Variants in ABTB2 observed in about 807,000 individuals in gnomAD.
ABTB2 encodes ankyrin repeat and BTB domain containing 2.
Under a neutral mutation model 104.1 loss-of-function variants are expected in ABTB2, and 56 were observed. The ratio of observed to expected loss-of-function variants is 0.54; its 90% CI spans 0.43 to 0.67. ABTB2 has a LOEUF of 0.67. Among genes scored for constraint, ABTB2 ranks in the 30% least tolerant of loss-of-function variants. ABTB2 has a pLI of 0.00. For synonymous variants in ABTB2, 606 were observed against 608.2 expected (o/e 1.00, Z 0.05); for missense variants, 1,279 against 1,407.7 (o/e 0.91, Z 1.46).
chr11:34,202,208 AG>A (rs1477487259), intron 2 of ABTB2, among the ~76,000 whole-genome samples: 9 of 152,224 alleles, frequency 5.9e-5, no homozygotes, highest in African/African-American at 1.9e-4. Context: ...GTGGAATGAG[AG>A]TGTGGTACTC....
At chr11:34,259,890 G>A (rs796355653) in intron 1 of ABTB2, among the ~76,000 whole-genome samples, 5 of 152,068 alleles carry the variant, frequency 3.3e-5, no homozygotes, top group African/African-American at 9.6e-5. Flanking sequence ...TTGCAGCCTC[G>A]ACCTCCTGGG....
chr11:34,323,994 A>G (rs1341348844), intron 1 of ABTB2, among the ~76,000 whole-genome samples: 2 of 138,348 alleles, frequency 1.4e-5, no homozygotes, highest in East Asian at 4.2e-4. Context: ...GTTCACTGCA[A>G]TCTCTGCCTC....
chr11:34,322,214 T>C (rs1489407400), intron 1 of ABTB2, among the ~76,000 whole-genome samples: 4 of 152,238 alleles, frequency 2.6e-5, no homozygotes, highest in South Asian at 2.1e-4. Context: ...AATAACTAGA[T>C]GCAATACACA....
chr11:34,224,671 A>C (rs1229575390), intron 1 of ABTB2, among the ~76,000 whole-genome samples: 1 of 152,180 alleles, frequency 6.6e-6, no homozygotes, highest in African/African-American at 2.4e-5. Context: ...TGCACAGTGG[A>C]AATAGCACCT....
Position 34,154,307 on chromosome 11 carries a change from G to A in ABTB2, c.2838C>T (p.Thr946=), listed in dbSNP as rs116088554. ...QRHCEILCSQ[T]LSMESAVNTY... ...TGTTCACGGCACTCTCCATGCTGAG[G>A]GTCTGGGAGCACAGGATCTCGCAGT... Residue 946 remains threonine (T), a synonymous_variant, in exon 16 of 17, where the codon ACC becomes ACT. Coordinates refer to ENST00000435224, the MANE Select transcript of ABTB2 (RefSeq NM_145804.3). The surrounding 1 kb of genome is among the most constrained non-coding windows in gnomAD (Gnocchi z 4.9). 909 of 1,614,090 alleles carry A rather than the reference G, an allele frequency of 5.6e-4. 6 individuals carry two copies. The African/African-American group carries it at 0.011, about 20-fold the overall frequency.
At chr11:34,160,773 G>A (rs898706166) in intron 11 of ABTB2, 130 bp downstream of exon 11, 46 of 998,150 alleles carry the variant, frequency 4.6e-5, no homozygotes, top group Non-Finnish European at 6.4e-5. Context: ...GAGGGCAGGC[G>A]TGTGAGTGTG....
intron 1 of ABTB2, among the ~76,000 whole-genome samples, chr11:34,286,474 G>GT (rs35829012): frequency 1.3e-5 from 2 of 151,908 alleles, no homozygotes; most frequent in African/African-American, 2.4e-5. Context: ...TGTATTTTTA[G>GT]TAGAGATGGG....
Position 34,299,360 on chromosome 11 carries a change from A to T in ABTB2, c.883+57341T>A, listed in dbSNP as rs546645446. Reference sequence around the variant, plus strand: ...GAAATCCAAATTGATGGTTTTTTTTAAAAAAATAATCATTTAAGCAAGACG... The same window carrying T: ...GAAATCCAAATTGATGGTTTTTTTTTAAAAAATAATCATTTAAGCAAGACG... On this transcript the variant is annotated intron_variant, in intron 1 of 16. Coordinates refer to ENST00000435224, the MANE Select transcript of ABTB2 (RefSeq NM_145804.3). Among the ~76,000 whole-genome samples, 659 of 152,244 alleles carry T rather than the reference A, an allele frequency of 4.3e-3. 5 individuals carry two copies. The highest frequency in any genetic ancestry group is 0.014 in the African/African-American group (591 of 41,558).
chr11:34,350,027 T>C (rs962905757), intron 1 of ABTB2, among the ~76,000 whole-genome samples: 3 of 152,278 alleles, frequency 2.0e-5, no homozygotes, highest in African/African-American at 7.2e-5. Context: ...ACCGCATGTG[T>C]ACAAGCCTCT....
intron 1 of ABTB2, among the ~76,000 whole-genome samples, chr11:34,239,287 T>G (rs941507828): frequency 6.6e-6 from 1 of 152,172 alleles, no homozygotes; most frequent in South Asian, 2.1e-4. Flanking sequence ...GGATGGATAA[T>G]GCAGTCTACC....
chr11:34,260,732 A>G (rs1854179248), intron 1 of ABTB2, among the ~76,000 whole-genome samples: 1 of 152,212 alleles, frequency 6.6e-6, no homozygotes, highest in Non-Finnish European at 1.5e-5. Flanking sequence ...ATGGAAGCCC[A>G]TGGAGACTAA....
At chr11:34,227,862 G>A (rs897143101) in intron 1 of ABTB2, among the ~76,000 whole-genome samples, 2 of 150,044 alleles carry the variant, frequency 1.3e-5, no homozygotes, top group South Asian at 2.1e-4. Context: ...AGCCACCTGA[G>A]TATCTGGGAT....
intron 1 of ABTB2, among the ~76,000 whole-genome samples, chr11:34,353,257 T>C (rs1211334670): frequency 6.6e-6 from 1 of 152,040 alleles, no homozygotes; most frequent in East Asian, 1.9e-4. Context: ...TTGAGGAAGA[T>C]TTTCTAAAAT....
chr11:34,200,360 A>G (rs1245560399), intron 2 of ABTB2, among the ~76,000 whole-genome samples: 1 of 152,224 alleles, frequency 6.6e-6, no homozygotes, highest in East Asian at 1.9e-4. Context: ...GAAAATCAAG[A>G]AAGAAATGGA....
chr11:34,268,299 A>G (rs1260543781), intron 1 of ABTB2, among the ~76,000 whole-genome samples: 1 of 152,206 alleles, frequency 6.6e-6, no homozygotes, highest in East Asian at 1.9e-4. Context: ...AGATGCTCAC[A>G]GTAGAAAAAT....
rs61052853 is a variant in ABTB2 at position 34,190,272 on chromosome 11, C to CAA, written c.1244+7051_1244+7052dup. On this transcript the variant is annotated intron_variant, in intron 3 of 16. Coordinates refer to ENST00000435224, the MANE Select transcript of ABTB2 (RefSeq NM_145804.3). Reference sequence around the variant, plus strand: ...CCCCACCCCTGCCCCGCTGCCCCCCCAAAAAAAAAAAAAAAGAGACTGAGA... The same window carrying CAA: ...CCCCACCCCTGCCCCGCTGCCCCCCCAAAAAAAAAAAAAAAAAGAGACTGAGA... 5.4e-3 allele frequency among the ~76,000 whole-genome samples: 622 copies of CAA among 115,062 alleles called. 6 individuals carry two copies. Among genetic ancestry groups the CAA allele is most frequent in the Admixed American group, 0.022 (230 of 10,624 alleles). 75.5% of individuals were successfully genotyped at this position (115,062 alleles called of 152,430 possible). A position where few individuals can be genotyped will look rare whatever the true frequency, so the allele number is the denominator to read the frequency against.
At chr11:34,230,349 G>A (rs1853752834) in intron 1 of ABTB2, among the ~76,000 whole-genome samples, 1 of 152,198 alleles carries the variant, frequency 6.6e-6, no homozygotes, top group Non-Finnish European at 1.5e-5. Context: ...TTTGAGGGTT[G>A]TACCTGGGTT....
intron 3 of ABTB2, among the ~76,000 whole-genome samples, chr11:34,190,204 C>T (rs1373832476): frequency 2.6e-5 from 4 of 151,804 alleles, no homozygotes; most frequent in Admixed American, 2.6e-4. Flanking sequence ...CGTGCCACTG[C>T]ACTCCAGCCT....
In ABTB2 at chr11:34,282,208, C is replaced by G. The variant is rs562849515; in HGVS notation, c.883+74493G>C. On this transcript the variant is annotated intron_variant, in intron 1 of 16. Transcript: ENST00000435224. ...GGGCCTCTTCCCAAAGGTCTCACTT[C>G]CTAATATAATCCCATTGGTGATTAG... 1.8e-4 allele frequency among the ~76,000 whole-genome samples: 28 copies of G among 152,280 alleles called. 1 individual carries two copies. The highest frequency in any genetic ancestry group is 1.0e-3 in the South Asian group (5 of 4,816).
Sources: gnomAD v4.1 joint callset for allele counts (sites outside exome capture counted in the v4.1 genomes callset) on GRCh38, gnomAD v4.1.1 for gene constraint, Gnocchi (gnomAD v3.1) non-coding constraint, MANE v1.5 for transcripts, NCBI Gene and HGNC (gene_info 2026-07-23, HGNC 2026-07-21) for gene names.